Variants in TANGO2 observed in about 807,000 individuals in gnomAD.
TANGO2 encodes the protein transport and Golgi organization protein 2 homolog.
In TANGO2, 26 loss-of-function variants were observed where a neutral mutation model predicts 39.1. That is an observed-to-expected ratio of 0.67 (90% CI 0.49 to 0.92). The LOEUF (loss-of-function observed/expected upper bound fraction) is 0.92, where lower values mean the gene tolerates loss of function less well. TANGO2 is among the 40% of genes least tolerant of loss of function. TANGO2 has a pLI of 0.00. For missense variants in TANGO2, 326 were observed against 360.1 expected (o/e 0.91, Z 0.77); for synonymous variants, 131 against 144.5 (o/e 0.91, Z 0.67).
intron 1 of TANGO2, among the ~76,000 whole-genome samples, chr22:20,033,521 A>T (rs1460583362): frequency 6.6e-6 from 1 of 152,194 alleles, no homozygotes; most frequent in Non-Finnish European, 1.5e-5. Flanking sequence ...GGTCGGCTGA[A>T]GTTGATTGAG....
At chr22:20,042,386 C>G (rs2044129288) in intron 2 of TANGO2, among the ~76,000 whole-genome samples, 2 of 152,194 alleles carry the variant, frequency 1.3e-5, no homozygotes, top group Admixed American at 1.3e-4. Context: ...CTTCTAATGT[C>G]CAAGCTGGGA....
At chr22:20,052,691 G>A in intron 4 of TANGO2, 107 bp downstream of exon 4, 2 of 1,405,852 alleles carry the variant, frequency 1.4e-6, no homozygotes, top group Non-Finnish European at 1.9e-6. Context: ...GTATGGTGGA[G>A]TGGGGCGGGC....
chr22:20,019,316 C>G (rs970599782), upstream of TANGO2: 1 of 152,168 alleles, frequency 6.6e-6, no homozygotes, highest in African/African-American at 2.4e-5. Flanking sequence ...AGCTTCCTAT[C>G]TGAGTTTGTG....
chr22:20,059,426 G>A (rs370616827), intron 6 of TANGO2, among the ~76,000 whole-genome samples: 1 of 152,168 alleles, frequency 6.6e-6, no homozygotes, highest in Non-Finnish European at 1.5e-5. Flanking sequence ...AAGTCGTATG[G>A]TAACCCTGTT....
At chr22:20,025,975 T>C (rs981805482) in intron 1 of TANGO2, among the ~76,000 whole-genome samples, 2 of 152,162 alleles carry the variant, frequency 1.3e-5, no homozygotes, top group Non-Finnish European at 2.9e-5. Context: ...TGACTAGAAG[T>C]CCAGGATGTG....
intron 2 of TANGO2, among the ~76,000 whole-genome samples, chr22:20,037,425 C>T (rs1340647026): frequency 6.6e-6 from 1 of 152,178 alleles, no homozygotes; most frequent in Non-Finnish European, 1.5e-5. Flanking sequence ...ACACAGAGAA[C>T]GAGGCAGAGA....
intron 2 of TANGO2, among the ~76,000 whole-genome samples, chr22:20,040,826 C>T (rs970706977): frequency 5.9e-5 from 9 of 152,154 alleles, no homozygotes; most frequent in African/African-American, 2.2e-4. Context: ...TGGGTTGAAA[C>T]ATGGCAGTTA....
Position 20,053,562 on chromosome 22 carries a change from C to T in TANGO2, c.380+11C>T. 6.3e-7 allele frequency: 1 copy of T among 1,577,302 alleles called. No homozygotes were observed. Among genetic ancestry groups the T allele is most frequent in the Non-Finnish European group, 8.7e-7 (1 of 1,146,800 alleles). On this transcript the variant is annotated intron_variant, in intron 5 of 8. Coordinates refer to ENST00000327374, the MANE Select transcript of TANGO2 (RefSeq NM_152906.7). ...AGCAGCCGACCTGAGGTGGGTCTGC[C>T]AGAGGGGGATGGCGGCTCTGCCCAG...
At chr22:20,046,783 C>T (rs897834832) in intron 3 of TANGO2, among the ~76,000 whole-genome samples, 8 of 152,116 alleles carry the variant, frequency 5.3e-5, no homozygotes, top group Non-Finnish European at 1.0e-4. Context: ...TTTCTCCTAA[C>T]GCTATCCTTC....
chr22:20,061,574 A>G lies in TANGO2; in HGVS notation c.496A>G (p.Lys166Glu), dbSNP rs1381037848. ...CGCGCTGCTGGAGACTCCCTGGAGG[A>G]AGCTGTGCTTTGGGAAGCAGCTCTT... Reference protein sequence around the residue: ...SNALLETPWRKLCFGKQLFLE... With the variant: ...SNALLETPWRELCFGKQLFLE... Residue 166 changes from lysine (K) to glutamate (E), a missense_variant, in exon 7 of 9, where the codon AAG becomes GAG. Lys to Glu is a moderately conservative substitution (Grantham distance 56). Coordinates refer to ENST00000327374, the MANE Select transcript of TANGO2 (RefSeq NM_152906.7). 1 of 1,605,044 alleles carries G rather than the reference A, an allele frequency of 6.2e-7. No individual in the cohort carries two copies. Among genetic ancestry groups the G allele is most frequent in the Admixed American group, 1.7e-5 (1 of 58,844 alleles).
chr22:20,037,066 G>C (rs2042988024), intron 2 of TANGO2: 3 of 1,536,164 alleles, frequency 2.0e-6, no homozygotes, highest in Non-Finnish European at 2.6e-6. Context: ...ACAAAGACGT[G>C]AAGACTCAGC....
chr22:20,063,642 T>G, intron 8 of TANGO2, 200 bp downstream of exon 8: 1 of 554,998 alleles, frequency 1.8e-6, no homozygotes, highest in Admixed American at 3.3e-5. Context: ...AGGCTGGGCT[T>G]AAGGAGCCAG....
At chr22:20,043,322 T>C (rs763578043) in intron 2 of TANGO2, 33 bp from the exon 3 acceptor site, 4 of 1,519,812 alleles carry the variant, frequency 2.6e-6, no homozygotes, top group Non-Finnish European at 3.6e-6. Context: ...CTCGTTTCCA[T>C]CTGAAGCCAT....
At chr22:20,024,353 G>A (rs375752212) in intron 1 of TANGO2, among the ~76,000 whole-genome samples, 5 of 152,178 alleles carry the variant, frequency 3.3e-5, no homozygotes, top group Admixed American at 2.6e-4. Context: ...GACTTTCTTC[G>A]CCCAGGCCCC....
At chr22:20,056,234 C>G (rs1317995061) in intron 6 of TANGO2, 2 of 689,176 alleles carry the variant, frequency 2.9e-6, no homozygotes, top group African/African-American at 3.5e-5. Context: ...TCCTGCTGAG[C>G]AAGGTGCGCC....
intron 6 of TANGO2, chr22:20,056,845 C>T (rs1335866174): frequency 4.4e-6 from 2 of 456,614 alleles, no homozygotes; most frequent in East Asian, 6.9e-5. Context: ...CACAGACACT[C>T]CTCGCTGGTG....
chr22:20,033,258 T>A lies in TANGO2; in HGVS notation c.-39-3502T>A, dbSNP rs144818025. Reference sequence around the variant, plus strand: ...TCGTCGAGGCCACAGCCCTTGGCTCTGCGCCCACACCTCCAGTGCCAGGCT... The same window carrying A: ...TCGTCGAGGCCACAGCCCTTGGCTCAGCGCCCACACCTCCAGTGCCAGGCT... On this transcript the variant is annotated intron_variant, in intron 1 of 8. Coordinates refer to ENST00000327374, the MANE Select transcript of TANGO2 (RefSeq NM_152906.7). 537 of 524,830 alleles carry A rather than the reference T, an allele frequency of 1.0e-3. 1 individual carries two copies. The highest frequency in any genetic ancestry group is 9.5e-3 in the African/African-American group (491 of 51,526). The allele number at this position is 524,830 out of a possible 1,614,324, so 32.5% of individuals were successfully genotyped here. A position where few individuals can be genotyped will look rare whatever the true frequency, so the allele number is the denominator to read the frequency against.
Position 20,061,657 on chromosome 22 carries a change from C to T in TANGO2, c.579C>T (p.Leu193=), listed in dbSNP as rs1281397495. The change falls in exon 7 of 9, where the codon CTC becomes CTT. Residue 193 remains leucine (L), a synonymous_variant. Coordinates refer to ENST00000327374, the MANE Select transcript of TANGO2 (RefSeq NM_152906.7). ...CCAAGGATGTGCTCATCGCCAGCCT[C>T]CTGGATGTGCTCAACAATGAAGAGG... The part of the protein sequence containing the change: ...ALPKDVLIAS[L]LDVLNNEEAQ... 1.3e-6 allele frequency: 2 copies of T among 1,555,694 alleles called. No individual in the cohort carries two copies. Among genetic ancestry groups the T allele is most frequent in the Non-Finnish European group, 1.7e-6 (2 of 1,149,452 alleles).
rs763336994 is a variant in TANGO2 at position 20,042,514 on chromosome 22, C to T, written c.57-841C>T. On this transcript the variant is annotated intron_variant, in intron 2 of 8. Transcript: ENST00000327374. ...GATGTGGTGGCTCACACCTGTAATCCTCCGCCTCGGAGGCCGAGGCGGGTA... is the reference window on the plus strand; with the variant it reads ...GATGTGGTGGCTCACACCTGTAATCTTCCGCCTCGGAGGCCGAGGCGGGTA... Among the ~76,000 whole-genome samples the T allele has an allele frequency of 8.5e-5, 13 of 152,252 alleles. No individual in the cohort carries two copies. In the South Asian group the frequency reaches 2.7e-3, roughly 32 times the overall value.
Sources: allele counts gnomAD v4.1 joint callset (sites outside exome capture counted in the v4.1 genomes callset), GRCh38; gene constraint gnomAD v4.1.1; transcripts MANE v1.5; gene names NCBI Gene and HGNC (gene_info 2026-07-23, HGNC 2026-07-21).